POU6F2: variants seen among roughly 807,000 people sequenced by gnomAD.
The protein encoded by POU6F2 is POU domain, class 6, transcription factor 2.
In POU6F2, 31 loss-of-function variants were observed where a neutral mutation model predicts 71.3. That is an observed-to-expected ratio of 0.43 (90% CI 0.33 to 0.59). POU6F2 has a LOEUF of 0.59. POU6F2 is among the 20% of genes least tolerant of loss of function. The pLI is 0.04. For missense variants in POU6F2, 783 were observed against 856.8 expected (o/e 0.91, Z 1.07); for synonymous variants, 347 against 355.7 (o/e 0.98, Z 0.27).
At chr7:39,128,963 C>A (rs1792198347) in intron 2 of POU6F2, among the ~76,000 whole-genome samples, 1 of 152,132 alleles carries the variant, frequency 6.6e-6, no homozygotes, top group Non-Finnish European at 1.5e-5. Flanking sequence ...TCTCTTAATG[C>A]AGTTAGGATG....
intron 1 of POU6F2, among the ~76,000 whole-genome samples, chr7:39,032,847 T>C (rs1452810363): frequency 6.6e-6 from 1 of 152,166 alleles, no homozygotes; most frequent in Non-Finnish European, 1.5e-5. Flanking sequence ...CTGGGAGCAG[T>C]CGGTCCACTC....
chr7:39,030,611 A>C (rs1789920940), intron 1 of POU6F2, among the ~76,000 whole-genome samples: 1 of 145,664 alleles, frequency 6.9e-6, no homozygotes, highest in South Asian at 2.2e-4. Context: ...CTGAAGGACA[A>C]TTTGATACTT....
At chr7:39,307,826 G>A (rs192504852) in intron 4 of POU6F2, among the ~76,000 whole-genome samples, 19 of 152,044 alleles carry the variant, frequency 1.2e-4, no homozygotes, top group African/African-American at 4.6e-4. Context: ...AAATTAGCCA[G>A]GCATGTAGTC....
At chr7:39,006,074 G>GT (rs1789057986) in intron 1 of POU6F2, among the ~76,000 whole-genome samples, 1 of 152,194 alleles carries the variant, frequency 6.6e-6, no homozygotes, top group Non-Finnish European at 1.5e-5. Context: ...GGGGGGACAT[G>GT]ATAAGGGGTA....
chr7:39,426,521 G>A (rs547739230), intron 6 of POU6F2, among the ~76,000 whole-genome samples: 67 of 152,104 alleles, frequency 4.4e-4, no homozygotes, highest in African/African-American at 1.6e-3. Flanking sequence ...GAGTAGCTAG[G>A]GTCAATGGCA....
At chr7:39,384,700 T>C (rs1423491269) in intron 5 of POU6F2, among the ~76,000 whole-genome samples, 1 of 152,216 alleles carries the variant, frequency 6.6e-6, no homozygotes, top group Non-Finnish European at 1.5e-5. Context: ...CAGAGAGATC[T>C]CTCCTGACCA....
intron 2 of POU6F2, among the ~76,000 whole-genome samples, chr7:39,157,550 A>G (rs572449540): frequency 1.3e-5 from 2 of 152,332 alleles, no homozygotes; most frequent in African/African-American, 4.8e-5. Context: ...GTGAAGTGGC[A>G]TCCTTCATAT....
chr7:39,013,904 C>T (rs183519161), intron 1 of POU6F2, among the ~76,000 whole-genome samples: 7 of 152,216 alleles, frequency 4.6e-5, no homozygotes, highest in Middle Eastern at 3.4e-3. Context: ...AGCAAGAGCC[C>T]TATTCGTAAA....
intron 4 of POU6F2, among the ~76,000 whole-genome samples, chr7:39,228,177 A>G (rs1485924538): frequency 6.6e-6 from 1 of 152,202 alleles, no homozygotes; most frequent in Non-Finnish European, 1.5e-5. Context: ...ATTTAATTGC[A>G]TTTTCAAATC....
intron 4 of POU6F2, among the ~76,000 whole-genome samples, chr7:39,276,133 A>G (rs1784433633): frequency 6.6e-6 from 1 of 152,110 alleles, no homozygotes; most frequent in African/African-American, 2.4e-5. Flanking sequence ...AATGGGAGAA[A>G]ATTTTCGCAA....
At chr7:39,168,067 T>G (rs1231672398) in intron 2 of POU6F2, among the ~76,000 whole-genome samples, 2 of 152,224 alleles carry the variant, frequency 1.3e-5, no homozygotes, top group South Asian at 2.1e-4. Context: ...ATTTTCAAAT[T>G]GAGAAGGATA....
At chr7:39,225,028 A>G (rs1338909911) in intron 4 of POU6F2, among the ~76,000 whole-genome samples, 1 of 152,254 alleles carries the variant, frequency 6.6e-6, no homozygotes, top group Non-Finnish European at 1.5e-5. Flanking sequence ...AAATATTTCA[A>G]TATTGTGTTC....
At chr7:39,129,938 G>T (rs1584557754) in intron 2 of POU6F2, among the ~76,000 whole-genome samples, 1 of 151,706 alleles carries the variant, frequency 6.6e-6, no homozygotes, top group Admixed American at 6.6e-5. Context: ...GTGGTGGCAG[G>T]TGCCTGTAGT....
intron 2 of POU6F2, among the ~76,000 whole-genome samples, chr7:39,130,248 G>T (rs1034741152): frequency 1.3e-5 from 2 of 151,468 alleles, no homozygotes; most frequent in Non-Finnish European, 2.9e-5. Flanking sequence ...AATATCAGAT[G>T]AAACAAAATG....
intron 1 of POU6F2, among the ~76,000 whole-genome samples, chr7:39,082,093 C>T (rs1334565183): frequency 6.6e-6 from 1 of 152,192 alleles, no homozygotes; most frequent in Non-Finnish European, 1.5e-5. Context: ...ATATTTATTC[C>T]TTCATAATGC....
chr7:39,099,081 G>A (rs1325628168), intron 2 of POU6F2, among the ~76,000 whole-genome samples: 2 of 152,140 alleles, frequency 1.3e-5, no homozygotes, highest in Non-Finnish European at 2.9e-5. Flanking sequence ...CATAAATGGA[G>A]GTTCTACAGG....
intron 7 of POU6F2, among the ~76,000 whole-genome samples, chr7:39,446,349 T>C (rs1476938240): frequency 2.0e-5 from 3 of 152,286 alleles, no homozygotes; most frequent in Non-Finnish European, 4.4e-5. Flanking sequence ...AGTTTCTTTA[T>C]ATTTAATCCC....
intron 5 of POU6F2, among the ~76,000 whole-genome samples, chr7:39,357,184 G>T (rs1308995873): frequency 1.3e-5 from 2 of 152,090 alleles, no homozygotes; most frequent in African/African-American, 4.8e-5. Flanking sequence ...CCCCACTATT[G>T]GATGCCTGGG....
At position 39,193,262 on chromosome 7, in the gene POU6F2, GA is replaced by G. The variant is rs1048521151; in HGVS notation, c.278-10966del. On this transcript the variant is annotated intron_variant, in intron 2 of 9. Coordinates refer to ENST00000518318, the MANE Select transcript of POU6F2 (RefSeq NM_001370959.1). Reference sequence around the variant, plus strand: ...AGGAATTTGGTCAAGTTTTCCTGGGGAAAAAAATGGGGCACAGGAAAAGGAT... The same window carrying G: ...AGGAATTTGGTCAAGTTTTCCTGGGGAAAAAATGGGGCACAGGAAAAGGAT... Among the ~76,000 whole-genome samples, 7 of 152,008 alleles carry G rather than the reference GA, an allele frequency of 4.6e-5. No homozygotes were observed. In the South Asian group the frequency reaches 8.3e-4, roughly 18 times the overall value.
Sources: allele counts gnomAD v4.1 joint callset (sites outside exome capture counted in the v4.1 genomes callset), GRCh38; gene constraint gnomAD v4.1.1; transcripts MANE v1.5; gene names NCBI Gene and HGNC (gene_info 2026-07-23, HGNC 2026-07-21).